MYCBP2: variants seen among roughly 807,000 people sequenced by gnomAD.
The protein encoded by MYCBP2 is E3 ubiquitin-protein ligase MYCBP2.
Under a neutral mutation model 525.3 loss-of-function variants are expected in MYCBP2, and 120 were observed. That is an observed-to-expected ratio of 0.23 (90% CI 0.20 to 0.27). The LOEUF is 0.27. MYCBP2 is among the 10% of genes least tolerant of loss of function. The pLI, the probability that MYCBP2 is intolerant of heterozygous loss-of-function variation, is 1.00. For missense variants in MYCBP2, 4,149 were observed against 5,657.1 expected (o/e 0.73, Z 8.55); for synonymous variants, 1,894 against 1,955.8 (o/e 0.97, Z 0.83).
chr13:77,121,224 C>A, intron 55 of MYCBP2, 149 bp downstream of exon 55: 1 of 759,204 alleles, frequency 1.3e-6, no homozygotes, highest in Non-Finnish European at 1.8e-6. Flanking sequence ...GAAAAGAACA[C>A]CTTTGTAAAC....
intron 52 of MYCBP2, chr13:77,129,755 A>AT (rs1016757020): frequency 7.2e-5 from 11 of 151,858 alleles, no homozygotes; most frequent in African/African-American, 2.7e-4. Flanking sequence ...AGTCTGAGTC[A>AT]TTTTTTTCAA....
chr13:77,205,770 G>A (rs917807930), intron 24 of MYCBP2, among the ~76,000 whole-genome samples, 172 bp from the exon 25 acceptor site: 2 of 152,102 alleles, frequency 1.3e-5, no homozygotes, highest in Admixed American at 6.6e-5. Context: ...ATTATCCCTT[G>A]TCTGATTAAT....
chr13:77,056,102 GTGTGTGTGTGTGTGT>G (rs2037939207), intron 79 of MYCBP2, among the ~76,000 whole-genome samples: 18 of 50,992 alleles, frequency 3.5e-4, no homozygotes, highest in South Asian at 2.9e-3. Context: ...TGTGTTTGGT[GTGTGTGTGTGTGTGT>G]GTGTGTGTGT....
At chr13:77,078,273 T>C (rs2042664887) in intron 66 of MYCBP2, among the ~76,000 whole-genome samples, 1 of 152,210 alleles carries the variant, frequency 6.6e-6, no homozygotes, top group African/African-American at 2.4e-5. Flanking sequence ...GGCCAACTTT[T>C]TGTGAGATAA....
At chr13:77,242,127 T>C (rs889245017) in intron 17 of MYCBP2, among the ~76,000 whole-genome samples, 2 of 152,198 alleles carry the variant, frequency 1.3e-5, no homozygotes, top group African/African-American at 4.8e-5. Flanking sequence ...TTGTTTGTTT[T>C]CTTTTGAGAT....
chr13:77,155,929 A>T, intron 46 of MYCBP2, 129 bp downstream of exon 46: 1 of 867,364 alleles, frequency 1.2e-6, no homozygotes, highest in Non-Finnish European at 1.7e-6. Context: ...ATTTAAACAA[A>T]CTTTCAGCAT....
At chr13:77,059,841 T>A (rs191409219) in intron 76 of MYCBP2, among the ~76,000 whole-genome samples, 2 of 152,270 alleles carry the variant, frequency 1.3e-5, no homozygotes, top group Admixed American at 1.3e-4. Flanking sequence ...TGAAGCCAAA[T>A]ACACTCTCGA....
At chr13:77,284,020 G>A (rs2076477808) in intron 3 of MYCBP2, among the ~76,000 whole-genome samples, 3 of 152,042 alleles carry the variant, frequency 2.0e-5, no homozygotes, top group Admixed American at 1.3e-4. Flanking sequence ...AAGCATTCAG[G>A]GAATAGAAAG....
chr13:77,204,763 T>C (rs1385693802), intron 26 of MYCBP2, among the ~76,000 whole-genome samples: 7 of 125,186 alleles, frequency 5.6e-5, no homozygotes, highest in Non-Finnish European at 8.4e-5. Context: ...ATGGATGAAA[T>C]TGGAAATCAT....
chr13:77,169,858 C>CTAT (rs2058968900), intron 38 of MYCBP2, 144 bp from the exon 39 acceptor site: 2 of 695,192 alleles, frequency 2.9e-6, no homozygotes, highest in Admixed American at 5.6e-5. Context: ...GGGCCTGGTA[C>CTAT]TATTCTAAAG....
At chr13:77,188,125 G>C (rs1298188542) in intron 30 of MYCBP2, among the ~76,000 whole-genome samples, 1 of 149,794 alleles carries the variant, frequency 6.7e-6, no homozygotes, top group Non-Finnish European at 1.5e-5. Flanking sequence ...AATGTAAATA[G>C]TAGGTATATA....
At chr13:77,275,357 T>C (rs1594565927) in intron 4 of MYCBP2, among the ~76,000 whole-genome samples, 1 of 152,234 alleles carries the variant, frequency 6.6e-6, no homozygotes, top group African/African-American at 2.4e-5. Context: ...CAAGACTGTT[T>C]CCTTCACTCT....
At chr13:77,305,789 A>G (rs2079343002) in intron 1 of MYCBP2, among the ~76,000 whole-genome samples, 1 of 152,152 alleles carries the variant, frequency 6.6e-6, no homozygotes, top group South Asian at 2.1e-4. Context: ...GAAACAAAAC[A>G]TATGATCACT....
chr13:77,120,160 T>G (rs2050438897), intron 55 of MYCBP2, among the ~76,000 whole-genome samples: 1 of 152,092 alleles, frequency 6.6e-6, no homozygotes, highest in Non-Finnish European at 1.5e-5. Flanking sequence ...GGTAAGCAAA[T>G]GCTGAGATTT....
intron 62 of MYCBP2, among the ~76,000 whole-genome samples, chr13:77,086,977 C>A (rs553455159): frequency 1.3e-5 from 2 of 152,182 alleles, no homozygotes; most frequent in South Asian, 4.2e-4. Flanking sequence ...AGCATATTAA[C>A]ACATTATTCT....
chr13:77,146,186 C>T lies in MYCBP2; in HGVS notation c.7163G>A (p.Arg2388His), dbSNP rs769751615. ...CCTCTTAGGAGTTGGTGATGCAAAA[C>T]GTAGTTCTTCAAATGAATAATTTTC... ...VYENYSFEEL[R>H]FASPTPKRPS... The change falls in exon 48 of 83, where the codon CGT becomes CAT. Residue 2388 changes from arginine (R) to histidine (H), a missense_variant. Arg to His is a conservative substitution (Grantham distance 29). Around this residue, in one of 21 missense-constraint regions of MYCBP2, gnomAD observed 692 missense variants for 852.7 expected, o/e 0.81. Coordinates refer to ENST00000544440, the MANE Select transcript of MYCBP2 (RefSeq NM_015057.5). The T allele has an allele frequency of 1.1e-5, 18 of 1,596,154 alleles. No individual in the cohort carries two copies. Among genetic ancestry groups the T allele is most frequent in the Admixed American group, 7.0e-5 (4 of 57,452 alleles).
At chr13:77,131,288 A>G (rs2052741377) in intron 52 of MYCBP2, among the ~76,000 whole-genome samples, 1 of 152,144 alleles carries the variant, frequency 6.6e-6, no homozygotes, top group Admixed American at 6.6e-5. Context: ...AGGCTGAGAC[A>G]GGAGGATTGC....
In MYCBP2 at chr13:77,061,151, A is replaced by T; in HGVS notation, c.13036+18T>A. On this transcript the variant is annotated intron_variant, in intron 76 of 82. Transcript: ENST00000544440. The stretch of plus-strand genomic sequence containing the variant: ...TTTGTGGGTTTTAAAGGCATGGCTC[A>T]ATCTTTAAACCTTTTACCTGTGTGT... 6.3e-7 allele frequency: 1 copy of T among 1,592,012 alleles called. No individual in the cohort carries two copies.
chr13:77,254,035 G>A (rs1459235863), intron 14 of MYCBP2, among the ~76,000 whole-genome samples: 1 of 151,738 alleles, frequency 6.6e-6, no homozygotes, highest in South Asian at 2.1e-4. Context: ...TTCACTGTGT[G>A]GTATATTACA....
Sources: gnomAD v4.1 joint callset for allele counts (sites outside exome capture counted in the v4.1 genomes callset) on GRCh38, gnomAD v4.1.1 for gene constraint, gnomAD v4.1.1 regional missense constraint, MANE v1.5 for transcripts, NCBI Gene and HGNC (gene_info 2026-07-23, HGNC 2026-07-21) for gene names.